GPC6: variants seen among roughly 807,000 people sequenced by gnomAD.
The protein encoded by GPC6 is glypican-6.
GPC6 carries 14 observed loss-of-function variants against 55.2 expected under a neutral mutation model. The ratio of observed to expected loss-of-function variants is 0.25; its 90% CI spans 0.17 to 0.40. The LOEUF is 0.40. Ranked by LOEUF, GPC6 falls within the 10% of genes least tolerant of loss-of-function variation. The pLI, the probability that GPC6 is intolerant of heterozygous loss-of-function variation, is 1.00. For missense variants in GPC6, 641 were observed against 708.5 expected, an observed-to-expected ratio of 0.90 and a Z score of 1.08; for synonymous variants, 278 against 259.6, an observed-to-expected ratio of 1.07 and a Z score of -0.68.
At chr13:93,331,602 G>GT (rs1324091865) in intron 1 of GPC6, among the ~76,000 whole-genome samples, 2 of 151,144 alleles carry the variant, frequency 1.3e-5, no homozygotes, top group Admixed American at 6.6e-5. Context: ...ATTTTAAAAC[G>GT]TATTTTCCCC....
chr13:93,908,979 T>G (rs9524276), intron 3 of GPC6, among the ~76,000 whole-genome samples: 25,247 of 152,134 alleles, frequency 0.17, 2,644 homozygotes, highest in Non-Finnish European at 0.22. Context: ...CCTCTTCTCT[T>G]GCTTTGGTGT....
At chr13:94,307,210 T>A (rs1875993212) in intron 6 of GPC6, among the ~76,000 whole-genome samples, 1 of 152,234 alleles carries the variant, frequency 6.6e-6, no homozygotes, top group Non-Finnish European at 1.5e-5. Flanking sequence ...GGTAACTAAC[T>A]GTTACATTTT....
intron 7 of GPC6, among the ~76,000 whole-genome samples, chr13:94,396,680 AG>A: frequency 6.6e-6 from 1 of 152,390 alleles, no homozygotes; most frequent in Non-Finnish European, 1.5e-5. Flanking sequence ...GAAAACCTGT[AG>A]GACAGGAAGG....
chr13:93,482,974 C>G (rs1460776210), intron 1 of GPC6, among the ~76,000 whole-genome samples: 1 of 152,026 alleles, frequency 6.6e-6, no homozygotes, highest in African/African-American at 2.4e-5. Flanking sequence ...GCTGGTTTTC[C>G]TTAGGAGACC....
rs1330010427 is a variant in GPC6 at position 93,833,090 on chromosome 13, G to GAT, written c.711+2545_711+2546insAT. Among the ~76,000 whole-genome samples, 884 of 141,788 alleles carry GAT rather than the reference G, an allele frequency of 6.2e-3. 18 individuals carry two copies. Among genetic ancestry groups the GAT allele is most frequent in the African/African-American group, 0.022 (833 of 38,386 alleles). The allele number at this position is 141,788 out of a possible 152,430, so 93.0% of individuals were successfully genotyped here. On this transcript the variant is annotated intron_variant, in intron 3 of 8. Transcript: ENST00000377047. ...GGATGGATGGATGGATGGATGGATGGGTAGATAGGTAGATGATAGAGAGAG... is the reference window on the plus strand; with the variant it reads ...GGATGGATGGATGGATGGATGGATGGATGTAGATAGGTAGATGATAGAGAGAG...
intron 4 of GPC6, among the ~76,000 whole-genome samples, chr13:94,132,803 A>T (rs971368936): frequency 4.6e-5 from 7 of 152,188 alleles, no homozygotes; most frequent in Admixed American, 1.3e-4. Flanking sequence ...AATAGGATCC[A>T]CCAAATACCG....
intron 1 of GPC6, among the ~76,000 whole-genome samples, chr13:93,273,060 G>T (rs919707894): frequency 6.6e-6 from 1 of 152,136 alleles, no homozygotes; most frequent in Admixed American, 6.6e-5. Context: ...AACAAAAGCC[G>T]AAATGACCTG....
At chr13:93,615,654 A>C (rs1878684915) in intron 2 of GPC6, among the ~76,000 whole-genome samples, 1 of 152,002 alleles carries the variant, frequency 6.6e-6, no homozygotes, top group Admixed American at 6.6e-5. Context: ...TTTCTAGAAC[A>C]ACTTTTTGTG....
In GPC6 at chr13:93,227,510, C is replaced by T. The variant is rs1340136670; in HGVS notation, c.54C>T (p.Ser18=). Reference sequence around the variant, plus strand: ...TTCCCCTCTTGGGGCTGCTGCTCTCCCTCCCCGCCGGGGCGGATGTGAAGG... The same window carrying T: ...TTCCCCTCTTGGGGCTGCTGCTCTCTCTCCCCGCCGGGGCGGATGTGAAGG... ...VILPLLGLLL[S]LPAGADVKAR... Residue 18 remains serine, a synonymous_variant, in exon 1 of 9, where the codon TCC becomes TCT. Transcript: ENST00000377047. This position sits in a 1 kb window ranked among gnomAD's most constrained non-coding sequence, Gnocchi z 4.3. 4 of 1,613,770 alleles carry T rather than the reference C, an allele frequency of 2.5e-6. No homozygotes were observed. Among genetic ancestry groups the T allele is most frequent in the African/African-American group, 1.3e-5 (1 of 74,936 alleles).
chr13:93,237,251 A>G (rs1355387280), intron 1 of GPC6, among the ~76,000 whole-genome samples: 1 of 152,144 alleles, frequency 6.6e-6, no homozygotes, highest in Non-Finnish European at 1.5e-5. Context: ...TGATTTTTTA[A>G]ATAATGGCCA....
chr13:93,613,529 AAACACACAC>A (rs1878582038), intron 2 of GPC6, among the ~76,000 whole-genome samples: 6 of 128,558 alleles, frequency 4.7e-5, no homozygotes, highest in African/African-American at 1.6e-4. Context: ...CACACACACA[AAACACACAC>A]ACACACACAC....
chr13:94,402,888 C>T, intron 8 of GPC6, 127 bp from the exon 9 acceptor site: 3 of 802,102 alleles, frequency 3.7e-6, no homozygotes, highest in Non-Finnish European at 4.4e-6. Flanking sequence ...ATTGAATTAC[C>T]TCCACATGGC....
chr13:93,313,906 A>G (rs9301867), intron 1 of GPC6, among the ~76,000 whole-genome samples: 73,834 of 152,102 alleles, frequency 0.49, 18,298 homozygotes, highest in African/African-American at 0.59. Context: ...TGGCTATTTC[A>G]TAAACAATGT....
At chr13:94,298,440 C>T (rs147603783) in intron 5 of GPC6, among the ~76,000 whole-genome samples, 5 of 152,280 alleles carry the variant, frequency 3.3e-5, no homozygotes, top group East Asian at 1.9e-4. Flanking sequence ...GTACAGGTGC[C>T]GCTGTTTATC....
chr13:93,740,622 T>A (rs1455338022), intron 2 of GPC6, among the ~76,000 whole-genome samples: 1 of 152,202 alleles, frequency 6.6e-6, no homozygotes, highest in Non-Finnish European at 1.5e-5. Context: ...TGCAAATATT[T>A]TATGAGATAA....
At chr13:93,294,285 T>A (rs1234143625) in intron 1 of GPC6, among the ~76,000 whole-genome samples, 2 of 152,162 alleles carry the variant, frequency 1.3e-5, no homozygotes, top group East Asian at 3.9e-4. Context: ...AATAATAATT[T>A]TTTTCCCAAA....
At chr13:94,003,079 T>C (rs1881874734) in intron 3 of GPC6, among the ~76,000 whole-genome samples, 1 of 152,160 alleles carries the variant, frequency 6.6e-6, no homozygotes, top group South Asian at 2.1e-4. Context: ...ATGAAAATAG[T>C]CTGAAGGCAC....
intron 6 of GPC6, among the ~76,000 whole-genome samples, chr13:94,363,691 C>T (rs1246428642): frequency 6.6e-6 from 1 of 152,136 alleles, no homozygotes. Context: ...AATATGGTAG[C>T]CACCAGCCAT....
chr13:94,379,245 T>TGAG (rs1880046556), intron 6 of GPC6, among the ~76,000 whole-genome samples: 3 of 152,254 alleles, frequency 2.0e-5, no homozygotes, highest in Admixed American at 1.3e-4. Flanking sequence ...AGGCATGTTC[T>TGAG]TTTCCAGTGG....
Sources: allele counts gnomAD v4.1 joint callset (sites outside exome capture counted in the v4.1 genomes callset), GRCh38; gene constraint gnomAD v4.1.1; non-coding constraint Gnocchi (gnomAD v3.1); transcripts MANE v1.5; gene names NCBI Gene and HGNC (gene_info 2026-07-23, HGNC 2026-07-21).